TAF1: variants seen among roughly 807,000 people sequenced by gnomAD.
TAF1 encodes TATA-box binding protein associated factor 1.
A neutral mutation model predicts 138.5 loss-of-function variants in TAF1; 2 were observed. That is an observed-to-expected ratio of 0.01 (90% CI 0.01 to 0.05). TAF1 has a LOEUF of 0.05. Ranked by LOEUF, TAF1 falls within the 10% of genes least tolerant of loss-of-function variation. The pLI, the probability that TAF1 is intolerant of heterozygous loss-of-function variation, is 1.00. For missense variants in TAF1, 709 were observed against 1,478.0 expected, an observed-to-expected ratio of 0.48 and a Z score of 8.53; for synonymous variants, 437 against 503.2, an observed-to-expected ratio of 0.87 and a Z score of 1.76.
In TAF1 at chrX:71,485,547, A is replaced by C. The variant is rs187730096; in HGVS notation, c.1366+24744A>C. ...ATGTTTTATAATAGCCTTCCTAATG[A>C]GTGTGAAGTGGCATCTCATTGTGGT... On this transcript the variant is annotated intron_variant and NMD_transcript_variant, in intron 13 of 14. Transcript: ENST00000373775. 6.1e-4 allele frequency among the ~76,000 whole-genome samples: 68 copies of C among 111,703 alleles called. 1 individual carries two copies. Among genetic ancestry groups the C allele is most frequent in the Middle Eastern group, 4.6e-3 (1 of 217 alleles).
intron 28 of TAF1, among the ~76,000 whole-genome samples, chrX:71,409,801 C>G (rs73543080): frequency 0.017 from 1,912 of 111,776 alleles, 42 homozygotes; most frequent in African/African-American, 0.058. Context: ...CTTATCATTT[C>G]TTCATGACTT....
intron 28 of TAF1, among the ~76,000 whole-genome samples, chrX:71,411,997 C>G (rs1315814948): frequency 8.9e-6 from 1 of 112,005 alleles, no homozygotes; most frequent in Non-Finnish European, 1.9e-5. Flanking sequence ...CTCAGGTGAT[C>G]TGCCCGCCTC....
intron 10 of TAF1, 43 bp downstream of exon 10, chrX:71,382,706 A>G (rs1226573350): frequency 8.3e-7 from 1 of 1,204,604 alleles, no homozygotes; most frequent in South Asian, 1.8e-5. Context: ...AAGAACAAAG[A>G]AAGGTAATAG....
At chrX:71,436,561 G>A (rs965999018) in intron 32 of TAF1, among the ~76,000 whole-genome samples, 1 of 109,092 alleles carries the variant, frequency 9.2e-6, no homozygotes, top group African/African-American at 3.3e-5. Flanking sequence ...TGCCCAGGCT[G>A]GTCTCGGACT....
At chrX:71,523,973 T>C (rs2039949186) in intron 13 of TAF1, among the ~76,000 whole-genome samples, 1 of 110,879 alleles carries the variant, frequency 9.0e-6, no homozygotes, top group South Asian at 3.8e-4. Context: ...AAAAGTAGTT[T>C]AAATGTCTGC....
chrX:71,441,436 T>A (rs1289581548), intron 32 of TAF1, among the ~76,000 whole-genome samples: 1 of 111,141 alleles, frequency 9.0e-6, no homozygotes, highest in Non-Finnish European at 1.9e-5. Context: ...TTAAATTTTT[T>A]AAATTGATAG....
chrX:71,464,486 C>T lies in TAF1; in HGVS notation c.*440C>T. ...CTGGGAGGCCGAGGCGGGCAGATCACCTGAGGTCAGAAGTTCGAGACCAGC... is the reference window on the plus strand; with the variant it reads ...CTGGGAGGCCGAGGCGGGCAGATCATCTGAGGTCAGAAGTTCGAGACCAGC... On this transcript the variant is annotated 3_prime_UTR_variant, in exon 38 of 38. Coordinates refer to ENST00000423759, the MANE Select transcript of TAF1 (RefSeq NM_004606.5). 1 of 297,917 alleles carries T rather than the reference C, an allele frequency of 3.4e-6. No homozygotes were observed. The highest frequency in any genetic ancestry group is 5.9e-6 in the Non-Finnish European group (1 of 170,932). The allele number at this position is 297,917 out of a possible 1,213,427, so 24.6% of individuals were successfully genotyped here.
At chrX:71,506,528 T>C (rs923922514) in intron 13 of TAF1, among the ~76,000 whole-genome samples, 4 of 106,636 alleles carry the variant, frequency 3.8e-5, no homozygotes, top group African/African-American at 1.0e-4. Flanking sequence ...ACTATAAATA[T>C]ATATTTTTTT....
At position 71,421,240 on chromosome X, in the gene TAF1, G is replaced by A; in HGVS notation, c.4385-69G>A. The A allele has an allele frequency of 3.1e-6, 3 of 980,766 alleles. No individual in the cohort carries two copies. The South Asian group carries it at 5.9e-5, about 19-fold the overall frequency. 80.8% of individuals were successfully genotyped at this position (980,766 alleles called of 1,213,427 possible). ...AGGTTCTTAAGTAAGTGCATTAAAA[G>A]GATAAAGAAGTGTTGGCAGCTTTTG... On this transcript the variant is annotated intron_variant, in intron 28 of 37. Coordinates refer to ENST00000423759, the MANE Select transcript of TAF1 (RefSeq NM_004606.5).
chrX:71,488,154 C>A (rs2039206188), intron 13 of TAF1, among the ~76,000 whole-genome samples: 1 of 109,918 alleles, frequency 9.1e-6, no homozygotes, highest in African/African-American at 3.3e-5. Context: ...GGTGGGAACA[C>A]AAACTATTCT....
intron 2 of TAF1, 57 bp from the exon 3 acceptor site, chrX:71,367,997 A>T: frequency 9.0e-7 from 1 of 1,113,613 alleles, no homozygotes; most frequent in Non-Finnish European, 1.2e-6. Flanking sequence ...AATGGGAATT[A>T]TCTGAGGGAG....
chrX:71,495,819 G>A (rs1350842776), intron 13 of TAF1, among the ~76,000 whole-genome samples: 2 of 111,892 alleles, frequency 1.8e-5, no homozygotes, highest in Non-Finnish European at 1.9e-5. Flanking sequence ...CTGTGCTGAT[G>A]GACTTGAGCT....
rs2036483464 is a variant in TAF1, at chrX:71,424,135, C to T, written c.4669-19C>T. Reference sequence around the variant, plus strand: ...ACTGTGTGTGTGTGTATCTGAGTGCCTGATTCTTTTCATCACAGAACATCT... The same window carrying T: ...ACTGTGTGTGTGTGTATCTGAGTGCTTGATTCTTTTCATCACAGAACATCT... On this transcript the variant is annotated intron_variant, in intron 31 of 37. Coordinates refer to ENST00000423759, the MANE Select transcript of TAF1 (RefSeq NM_004606.5). The T allele has an allele frequency of 8.3e-7, 1 of 1,204,934 alleles. No homozygotes were observed. Among genetic ancestry groups the T allele is most frequent in the Non-Finnish European group, 1.1e-6 (1 of 892,114 alleles).
At chrX:71,501,062 CAA>C (rs35676863) in intron 13 of TAF1, among the ~76,000 whole-genome samples, 231 of 74,241 alleles carry the variant, frequency 3.1e-3, no homozygotes, top group East Asian at 3.3e-3. Context: ...AGACTTCTCT[CAA>C]AAAAAAAAAA....
rs2036488323 is a variant in TAF1, at chrX:71,424,255, A to C, written c.4753+17A>C. The C allele has an allele frequency of 8.6e-7, 1 of 1,156,756 alleles. No individual in the cohort carries two copies. Among genetic ancestry groups the C allele is most frequent in the Non-Finnish European group, 1.2e-6 (1 of 859,644 alleles). ...AGTATAATGGTGGGTATTTCTCATT[A>C]TTTTCTTTCCATGAATCCGTCCATC... On this transcript the variant is annotated intron_variant, in intron 32 of 37. Transcript: ENST00000423759.
chrX:71,373,215 T>G lies in TAF1; in HGVS notation c.353-1952T>G, dbSNP rs184908717. The stretch of plus-strand genomic sequence containing the variant: ...CAGAATCTTACTGTGTTGCCCAGGC[T>G]GGAGTGCAGTGGCGCAATCTCGGTT... On this transcript the variant is annotated intron_variant, in intron 3 of 37. Transcript: ENST00000423759. Among the ~76,000 whole-genome samples the G allele has an allele frequency of 7.4e-3, 764 of 102,645 alleles. 6 individuals carry two copies. The highest frequency in any genetic ancestry group is 0.03 in the Middle Eastern group (6 of 200). 89.1% of individuals were successfully genotyped at this position (102,645 alleles called of 115,157 possible).
At chrX:71,408,754 G>A (rs996537881) in intron 28 of TAF1, among the ~76,000 whole-genome samples, 1 of 111,522 alleles carries the variant, frequency 9.0e-6, no homozygotes, top group Non-Finnish European at 1.9e-5. Context: ...GGCTGGGCGC[G>A]GTGGCTCACG....
At chrX:71,480,056 C>T (rs953163760) in intron 13 of TAF1, among the ~76,000 whole-genome samples, 2 of 110,820 alleles carry the variant, frequency 1.8e-5, no homozygotes, top group African/African-American at 6.6e-5. Flanking sequence ...GAGACCATGT[C>T]TCTGTGAAAA....
At chrX:71,436,681 A>G (rs2037163879) in intron 32 of TAF1, among the ~76,000 whole-genome samples, 1 of 111,291 alleles carries the variant, frequency 9.0e-6, no homozygotes, top group East Asian at 2.8e-4. Context: ...AAATTCTTAT[A>G]TATTCTTGAA....
Sources: gnomAD v4.1 joint callset for allele counts (sites outside exome capture counted in the v4.1 genomes callset) on GRCh38, gnomAD v4.1.1 for gene constraint, MANE v1.5 for transcripts, NCBI Gene and HGNC (gene_info 2026-07-23, HGNC 2026-07-21) for gene names.